The following GLIS3 variants were observed in gnomAD, a reference collection of about 807,000 sequenced individuals.
GLIS3 encodes the protein GLIS family zinc finger 3.
GLIS3 carries 53 observed loss-of-function variants against 78.6 expected under a neutral mutation model. The ratio of observed to expected loss-of-function variants is 0.67; its 90% CI spans 0.54 to 0.85. The LOEUF (loss-of-function observed/expected upper bound fraction) is 0.85. Among genes scored for constraint, GLIS3 ranks in the 40% least tolerant of loss-of-function variants. The pLI is 0.00. For missense variants in GLIS3, 1,703 were observed against 1,231.1 expected (o/e 1.38, Z -5.74); for synonymous variants, 684 against 509.9 (o/e 1.34, Z -4.60).
chr9:4,321,505 G>A (rs1293472538), intron 2 of GLIS3, among the ~76,000 whole-genome samples: 1 of 132,346 alleles, frequency 7.6e-6, no homozygotes, highest in Non-Finnish European at 1.6e-5. Flanking sequence ...CTTGGTATAT[G>A]TTATGCTATT....
intron 7 of GLIS3, chr9:3,898,350 C>G (rs150661484): frequency 8.8e-6 from 3 of 342,748 alleles, no homozygotes; most frequent in Non-Finnish European, 1.7e-5. Context: ...GAAATCCACA[C>G]GCAGCCTGCT....
chr9:4,059,829 T>TGTGTGTGTGTGTGTGTGTGTGTGAGA lies in GLIS3; in HGVS notation c.1710+57938_1710+57939insTCTCACACACACACACACACACACAC. On this transcript the variant is annotated intron_variant, in intron 4 of 10. Transcript: ENST00000381971. ...TTGTGTGTGTGTGTGTGTGTGTGTGTGAGAGAGAGAGAGAGAGAGAGAGAG... is the reference window on the plus strand; with the variant it reads ...TTGTGTGTGTGTGTGTGTGTGTGTGTGTGTGTGTGTGTGTGTGTGTGTGAGAGAGAGAGAGAGAGAGAGAGAGAGAG... Among the ~76,000 whole-genome samples the TGTGTGTGTGTGTGTGTGTGTGTGAGA allele has an allele frequency of 1.8e-3, 184 of 100,658 alleles. 3 individuals are homozygous for TGTGTGTGTGTGTGTGTGTGTGTGAGA. The highest frequency in any genetic ancestry group is 2.4e-3 in the Non-Finnish European group (117 of 48,052). 66.0% of individuals were successfully genotyped at this position (100,658 alleles called of 152,430 possible).
intron 7 of GLIS3, 100 bp downstream of exon 7, chr9:3,898,591 C>A (rs775354523): frequency 3.5e-6 from 5 of 1,424,696 alleles, no homozygotes; most frequent in African/African-American, 1.4e-5. Flanking sequence ...ACAACACAGA[C>A]GATCTTAGGA....
rs763323299 is a variant in GLIS3 at position 4,118,759 on chromosome 9, T to G, written c.719A>C (p.His240Pro). The G allele has an allele frequency of 6.2e-7, 1 of 1,613,502 alleles. No individual in the cohort carries two copies. ...GYRALPSLSN[H>P]GSQNGLDLGD... is the part of the protein sequence containing the mutation. ...TAGATCAAGGCCATTCTGAGAGCCG[T>G]GGTTGGAGAGCGAAGGGAGGGCCCT... The change falls in exon 4 of 11, where the codon CAC (histidine) becomes CCC (proline). Residue 240 changes from histidine (H) to proline (P), a missense_variant. His to Pro is a moderately conservative substitution (Grantham distance 77). Coordinates refer to ENST00000381971, the MANE Select transcript of GLIS3 (RefSeq NM_001042413.2). The surrounding 1 kb of genome is among the most constrained non-coding windows in gnomAD (Gnocchi z 4.7).
At chr9:4,027,412 T>A (rs993171636) in intron 4 of GLIS3, among the ~76,000 whole-genome samples, 3 of 152,192 alleles carry the variant, frequency 2.0e-5, no homozygotes, top group Non-Finnish European at 4.4e-5. Flanking sequence ...CCAGATTTGG[T>A]AAAGGACAAT....
At chr9:4,036,158 G>A (rs1184864025) in intron 4 of GLIS3, among the ~76,000 whole-genome samples, 1 of 152,182 alleles carries the variant, frequency 6.6e-6, no homozygotes, top group East Asian at 1.9e-4. Flanking sequence ...TTTACCGTTT[G>A]AAGACTTTTT....
At chr9:3,905,662 T>C (rs1823647694) in intron 6 of GLIS3, among the ~76,000 whole-genome samples, 1 of 152,142 alleles carries the variant, frequency 6.6e-6, no homozygotes, top group Admixed American at 6.5e-5. Context: ...CCCTTGACGA[T>C]CACCCCTGGT....
intron 4 of GLIS3, among the ~76,000 whole-genome samples, chr9:4,099,843 G>A (rs1039929960): frequency 2.6e-5 from 4 of 152,096 alleles, no homozygotes; most frequent in African/African-American, 9.7e-5. Context: ...TAAAAGATTT[G>A]TTTTCACCTT....
the GLIS3 span, among the ~76,000 whole-genome samples, chr9:4,466,067 A>G: frequency 6.6e-6 from 1 of 152,210 alleles, no homozygotes; most frequent in African/African-American, 2.4e-5. Context: ...TACCATACTG[A>G]TTCAGAAAAA....
chr9:3,848,616 A>G (rs1264834085), intron 9 of GLIS3, among the ~76,000 whole-genome samples: 1 of 152,260 alleles, frequency 6.6e-6, no homozygotes, highest in Non-Finnish European at 1.5e-5. Context: ...GCTGGAAAGT[A>G]CCATTGCACA....
the GLIS3 span, among the ~76,000 whole-genome samples, chr9:4,376,053 C>G: frequency 1.3e-5 from 2 of 152,142 alleles, no homozygotes; most frequent in Non-Finnish European, 2.9e-5. Flanking sequence ...CTGAATTCTG[C>G]TGAAACACCA....
At chr9:4,234,477 T>C (rs1050334919) in intron 2 of GLIS3, among the ~76,000 whole-genome samples, 2 of 152,206 alleles carry the variant, frequency 1.3e-5, no homozygotes, top group Non-Finnish European at 2.9e-5. Flanking sequence ...TTGGTTAAGT[T>C]TGTCATTTTA....
At chr9:3,981,075 G>A (rs924719772) in intron 4 of GLIS3, among the ~76,000 whole-genome samples, 3 of 152,162 alleles carry the variant, frequency 2.0e-5, no homozygotes, top group Admixed American at 1.3e-4. Flanking sequence ...TGAGAGGAGG[G>A]GGTCAGCAGA....
chr9:4,426,137 T>C, the GLIS3 span, among the ~76,000 whole-genome samples: 2 of 152,192 alleles, frequency 1.3e-5, no homozygotes, highest in East Asian at 3.8e-4. Context: ...TAAGAAGCCT[T>C]GCCTTTGAAC....
rs1823639325 is a variant in GLIS3, at chr9:4,029,551, T to C, written c.1710+88217A>G. Among the ~76,000 whole-genome samples, 2 of 152,162 alleles carry C rather than the reference T, an allele frequency of 1.3e-5. 1 individual carries two copies. Among genetic ancestry groups the C allele is most frequent in the Admixed American group, 1.3e-4 (2 of 15,256 alleles). On this transcript the variant is annotated intron_variant, in intron 4 of 10. Transcript: ENST00000381971. The stretch of plus-strand genomic sequence containing the variant: ...TGAATAGTAGGTCTTATGCATTCTT[T>C]CTATTTTTTTGGACCCACTAACCAT...
chr9:4,006,803 T>C (rs1370909750), intron 4 of GLIS3, among the ~76,000 whole-genome samples: 1 of 152,218 alleles, frequency 6.6e-6, no homozygotes, highest in Non-Finnish European at 1.5e-5. Flanking sequence ...TATTATTAGA[T>C]TTCCGTAATG....
intron 6 of GLIS3, among the ~76,000 whole-genome samples, chr9:3,905,492 G>A (rs1410791423): frequency 6.6e-6 from 1 of 152,084 alleles, no homozygotes; most frequent in Non-Finnish European, 1.5e-5. Flanking sequence ...ACTTCTGTTT[G>A]GTTTTCACTG....
intron 4 of GLIS3, among the ~76,000 whole-genome samples, chr9:4,067,814 T>G (rs1030807646): frequency 7.5e-6 from 1 of 132,516 alleles, no homozygotes; most frequent in African/African-American, 2.8e-5. Flanking sequence ...AAAAAAAAAA[T>G]ATATGGTTAC....
chr9:4,081,714 C>A (rs1215219872), intron 4 of GLIS3, among the ~76,000 whole-genome samples: 3 of 152,330 alleles, frequency 2.0e-5, no homozygotes, highest in Middle Eastern at 3.4e-3. Context: ...TCCTCACTGC[C>A]AGACTCTGAA....
Sources: allele counts gnomAD v4.1 joint callset (sites outside exome capture counted in the v4.1 genomes callset), GRCh38; gene constraint gnomAD v4.1.1; non-coding constraint Gnocchi (gnomAD v3.1); transcripts MANE v1.5; gene names NCBI Gene and HGNC (gene_info 2026-07-23, HGNC 2026-07-21).